RBFOX1: variants seen among roughly 807,000 people sequenced by gnomAD.
The protein encoded by RBFOX1 is RNA binding protein fox-1 homolog 1.
A neutral mutation model predicts 57.7 loss-of-function variants in RBFOX1; 8 were observed. The observed-to-expected ratio is 0.14, with a 90% CI of 0.08 to 0.25. RBFOX1 has a LOEUF of 0.25. RBFOX1 is among the 10% of genes least tolerant of loss of function. RBFOX1 has a pLI of 1.00. For synonymous variants in RBFOX1, 326 were observed against 222.4 expected (o/e 1.47, Z -4.15); for missense variants, 611 against 548.5 (o/e 1.11, Z -1.14).
chr16:6,061,419 G>A (rs1256005339), intron 1 of RBFOX1, among the ~76,000 whole-genome samples: 1 of 151,642 alleles, frequency 6.6e-6, no homozygotes, highest in Non-Finnish European at 1.5e-5. Flanking sequence ...TCTATATAAT[G>A]TTTTGTTATA....
At chr16:7,622,619 G>A (rs925495427) in intron 10 of RBFOX1, among the ~76,000 whole-genome samples, 11 of 136,990 alleles carry the variant, frequency 8.0e-5, no homozygotes, top group African/African-American at 3.3e-4. Context: ...AAGAAGTGGT[G>A]TATTTTTTTT....
At chr16:5,627,657 C>G (rs1332348922) in intron 3 of RBFOX1, among the ~76,000 whole-genome samples, 1 of 152,140 alleles carries the variant, frequency 6.6e-6, no homozygotes, top group African/African-American at 2.4e-5. Flanking sequence ...AGTTGCCCCT[C>G]TGTATCCACA....
chr16:6,438,903 T>G (rs1364930678), intron 2 of RBFOX1, among the ~76,000 whole-genome samples: 1 of 152,224 alleles, frequency 6.6e-6, no homozygotes, highest in Non-Finnish European at 1.5e-5. Flanking sequence ...TCATATGTGC[T>G]GAATTTTGCA....
intron 3 of RBFOX1, among the ~76,000 whole-genome samples, chr16:6,747,311 G>T (rs1374337448): frequency 6.6e-6 from 1 of 152,096 alleles, no homozygotes. Flanking sequence ...AGAGGCTGAG[G>T]CAGGACAATT....
At position 6,940,187 on chromosome 16, in the gene RBFOX1, A is replaced by C. The variant is rs1324845370; in HGVS notation, c.-15-111870A>C. Reference sequence around the variant, plus strand: ...AGTCTGGGCAACAGAGTGAGACTCCATCTCAAAAATAAAAATAAATAAATA... The same window carrying C: ...AGTCTGGGCAACAGAGTGAGACTCCCTCTCAAAAATAAAAATAAATAAATA... On this transcript the variant is annotated intron_variant, in intron 3 of 15. Coordinates refer to ENST00000550418, the MANE Select transcript of RBFOX1 (RefSeq NM_018723.4). 8.8e-5 allele frequency among the ~76,000 whole-genome samples: 13 copies of C among 148,064 alleles called. No individual in the cohort carries two copies. The Admixed American group carries it at 8.9e-4, about 10-fold the overall frequency.
At chr16:7,014,894 T>G (rs2093831633) in intron 3 of RBFOX1, among the ~76,000 whole-genome samples, 1 of 151,986 alleles carries the variant, frequency 6.6e-6, no homozygotes, top group South Asian at 2.1e-4. Flanking sequence ...CCGGCTAATT[T>G]TTTTGTATTT....
At chr16:6,836,041 G>T (rs1366645425) in intron 3 of RBFOX1, among the ~76,000 whole-genome samples, 1 of 152,180 alleles carries the variant, frequency 6.6e-6, no homozygotes, top group African/African-American at 2.4e-5. Context: ...GAGGAGAAAA[G>T]AAACCTACTG....
At chr16:7,097,008 G>C (rs2061815607) in intron 4 of RBFOX1, among the ~76,000 whole-genome samples, 1 of 150,190 alleles carries the variant, frequency 6.7e-6, no homozygotes, top group South Asian at 2.1e-4. Context: ...GCTGTTACCA[G>C]AAAGCGAAAT....
chr16:7,690,852 G>C (rs781052874), intron 14 of RBFOX1, among the ~76,000 whole-genome samples: 3 of 152,060 alleles, frequency 2.0e-5, no homozygotes, highest in Non-Finnish European at 4.4e-5. Context: ...GCATAACATG[G>C]TGAATATAGA....
intron 1 of RBFOX1, among the ~76,000 whole-genome samples, chr16:6,043,120 G>GAAAAAAAAAAAAAAAAAAAA (rs570358262): frequency 4.3e-5 from 3 of 70,236 alleles, no homozygotes; most frequent in African/African-American, 1.1e-4. Flanking sequence ...TGTGTTTCCA[G>GAAAAAAAAAAAAAAAAAAAA]AAAAAAAAAA....
At chr16:6,845,196 T>C (rs1316885932) in intron 3 of RBFOX1, among the ~76,000 whole-genome samples, 1 of 152,212 alleles carries the variant, frequency 6.6e-6, no homozygotes, top group Non-Finnish European at 1.5e-5. Context: ...ATCCCATTTA[T>C]CAATTTTCGC....
At chr16:7,491,461 C>T (rs528068810) in intron 4 of RBFOX1, among the ~76,000 whole-genome samples, 1 of 148,324 alleles carries the variant, frequency 6.7e-6, no homozygotes. Context: ...CACCAAACAT[C>T]AGCCAGACAG....
At chr16:7,647,952 C>G (rs980453101) in intron 11 of RBFOX1, among the ~76,000 whole-genome samples, 2 of 152,116 alleles carry the variant, frequency 1.3e-5, no homozygotes, top group African/African-American at 4.8e-5. Flanking sequence ...CAGTTTTAGT[C>G]TTGTTTAATT....
intron 4 of RBFOX1, among the ~76,000 whole-genome samples, chr16:7,058,049 T>A (rs1290150878): frequency 1.3e-5 from 2 of 150,446 alleles, no homozygotes; most frequent in African/African-American, 4.9e-5. Context: ...TATAGATCTC[T>A]GCTATGCTTT....
At chr16:7,413,542 G>A (rs1049980441) in intron 4 of RBFOX1, among the ~76,000 whole-genome samples, 1 of 151,880 alleles carries the variant, frequency 6.6e-6, no homozygotes. Context: ...CTGTCTCCTT[G>A]TAAGGCTGCC....
chr16:6,663,392 G>C (rs983839692), intron 3 of RBFOX1, among the ~76,000 whole-genome samples: 1 of 152,206 alleles, frequency 6.6e-6, no homozygotes, highest in Non-Finnish European at 1.5e-5. Context: ...TTGCATATGA[G>C]CATGACATAG....
At chr16:7,195,230 T>C (rs1013174989) in intron 4 of RBFOX1, among the ~76,000 whole-genome samples, 1 of 152,182 alleles carries the variant, frequency 6.6e-6, no homozygotes, top group African/African-American at 2.4e-5. Flanking sequence ...AATAGCCTTA[T>C]ATTTGGTGAT....
At chr16:5,455,373 G>C (rs1175954896) in intron 1 of RBFOX1, among the ~76,000 whole-genome samples, 3 of 152,070 alleles carry the variant, frequency 2.0e-5, no homozygotes. Context: ...AAGCCGCCTA[G>C]TATCACTTAT....
At chr16:5,376,711 T>C (rs2065993872) in intron 1 of RBFOX1, among the ~76,000 whole-genome samples, 1 of 151,850 alleles carries the variant, frequency 6.6e-6, no homozygotes, top group Non-Finnish European at 1.5e-5. Context: ...CTCATCGTCT[T>C]GGTCTATTCT....
Sources: allele counts gnomAD v4.1 joint callset (sites outside exome capture counted in the v4.1 genomes callset), GRCh38; gene constraint gnomAD v4.1.1; transcripts MANE v1.5; gene names NCBI Gene and HGNC (gene_info 2026-07-23, HGNC 2026-07-21).